Variants in CYP2C8 observed in about 807,000 individuals in gnomAD.
The protein encoded by CYP2C8 is cytochrome P450 2C8.
In CYP2C8, 51 loss-of-function variants were observed where a neutral mutation model predicts 41.3. The observed-to-expected ratio is 1.24, with a 90% confidence interval of 0.99 to 1.56. CYP2C8 has a LOEUF of 1.56. Among genes scored for constraint, CYP2C8 ranks in the 40% most tolerant of loss-of-function variants. CYP2C8 has a pLI of 0.00. For missense variants in CYP2C8, 651 were observed against 579.9 expected (o/e 1.12, Z -1.26); for synonymous variants, 218 against 205.8 (o/e 1.06, Z -0.51).
intron 1 of CYP2C8, among the ~76,000 whole-genome samples, chr10:95,068,918 G>A (rs7084045): frequency 0.042 from 6,325 of 152,096 alleles, 489 homozygotes; most frequent in African/African-American, 0.14. Context: ...AAAATTAGCC[G>A]GGCATGGTGG....
intron 4 of CYP2C8, among the ~76,000 whole-genome samples, chr10:95,063,064 C>G (rs1371575243): frequency 1.3e-5 from 2 of 152,114 alleles, no homozygotes; most frequent in African/African-American, 4.8e-5. Flanking sequence ...CAATGGCTAC[C>G]CTTAACATTT....
chr10:95,067,609 TTC>T lies in CYP2C8; in HGVS notation c.249_250del (p.Lys84GlyfsTer5). ...CTCTCCATTATCAATCAGGGCTTCC[TTC>T]ACTGCCTCATATCCATGAAACACCA... On this transcript the variant is annotated frameshift_variant, in exon 2 of 9. Transcript: ENST00000371270. LOFTEE classifies it high-confidence loss of function. 6.2e-7 allele frequency: 1 copy of T among 1,614,176 alleles called. No homozygotes were observed.
chr10:95,062,555 C>T (rs1248064654), intron 4 of CYP2C8, among the ~76,000 whole-genome samples: 1 of 152,126 alleles, frequency 6.6e-6, no homozygotes, highest in Non-Finnish European at 1.5e-5. Context: ...AGATGGGTTT[C>T]CTCAATACAG....
At chr10:95,045,669 C>A in intron 6 of CYP2C8, 141 bp downstream of exon 6, 1 of 1,007,148 alleles carries the variant, frequency 9.9e-7, no homozygotes, top group Non-Finnish European at 1.5e-6. Flanking sequence ...TAAATTGTGT[C>A]ATCAAATTTA....
intron 3 of CYP2C8, among the ~76,000 whole-genome samples, chr10:95,066,215 GTT>G (rs541771653): frequency 1.6e-5 from 2 of 126,830 alleles, no homozygotes; most frequent in South Asian, 2.7e-4. Flanking sequence ...TGATATCCAG[GTT>G]TTTTTTTTTT....
At chr10:95,067,458 C>G (rs751649419) in intron 2 of CYP2C8, 71 bp downstream of exon 2, 28 of 1,613,290 alleles carry the variant, frequency 1.7e-5, no homozygotes, top group Non-Finnish European at 2.3e-5. Context: ...TGCTGAGAAG[C>G]TTTTTAGGGC....
At chr10:95,043,478 G>A (rs575802894) in intron 6 of CYP2C8, among the ~76,000 whole-genome samples, 10 of 152,202 alleles carry the variant, frequency 6.6e-5, no homozygotes, top group East Asian at 1.9e-4. Context: ...TTGTGTGTGC[G>A]GTGGTGGAGC....
At chr10:95,066,153 AGTGTGTGT>A (rs113983526) in intron 3 of CYP2C8, among the ~76,000 whole-genome samples, 1,353 of 88,148 alleles carry the variant, frequency 0.015, 12 homozygotes, top group Middle Eastern at 0.023. Context: ...AGAGAGAGAG[AGTGTGTGT>A]GTGTGTGTGT....
At chr10:95,049,636 G>A (rs936364148) in intron 5 of CYP2C8, among the ~76,000 whole-genome samples, 7 of 152,108 alleles carry the variant, frequency 4.6e-5, no homozygotes, top group Non-Finnish European at 7.3e-5. Flanking sequence ...GGACTATAGG[G>A]CTCTGGGATG....
At chr10:95,039,187 G>T (rs765132266) in intron 7 of CYP2C8, 149 bp from the exon 8 acceptor site, 15 of 721,626 alleles carry the variant, frequency 2.1e-5, no homozygotes, top group Non-Finnish European at 2.7e-5. Flanking sequence ...TGAGCTTAAG[G>T]CCAGTGGTGG....
At chr10:95,039,584 C>A (rs1465789905) in intron 7 of CYP2C8, among the ~76,000 whole-genome samples, 4 of 152,122 alleles carry the variant, frequency 2.6e-5, no homozygotes, top group Non-Finnish European at 4.4e-5. Flanking sequence ...GATGAAATTA[C>A]AAAGATTATC....
intron 5 of CYP2C8, among the ~76,000 whole-genome samples, chr10:95,056,926 C>T (rs920885759): frequency 6.6e-6 from 1 of 152,094 alleles, no homozygotes; most frequent in African/African-American, 2.4e-5. Context: ...AAGAAAACAG[C>T]TTTGTTGAAC....
rs952806406 is a variant in CYP2C8, at chr10:95,048,174, G to A, written c.820-2223C>T. 5.9e-5 allele frequency among the ~76,000 whole-genome samples: 9 copies of A among 152,280 alleles called. No homozygotes were observed. The South Asian group carries it at 1.7e-3, about 28-fold the overall frequency. On this transcript the variant is annotated intron_variant, in intron 5 of 8. Coordinates refer to ENST00000371270, the MANE Select transcript of CYP2C8 (RefSeq NM_000770.3). ...TTTCTTCTTATGAATTGACCAATAA[G>A]CTCCATTGCTCTCTCTTTAACAGTC...
intron 1 of CYP2C8, chr10:95,068,690 A>G: frequency 1.0e-6 from 1 of 997,990 alleles, no homozygotes. Flanking sequence ...ATGATTATAT[A>G]ATACAATGAC....
At chr10:95,053,824 T>G (rs574784958) in intron 5 of CYP2C8, among the ~76,000 whole-genome samples, 1 of 152,126 alleles carries the variant, frequency 6.6e-6, no homozygotes, top group South Asian at 2.1e-4. Context: ...ATGCGGGGCT[T>G]AAAACCTAGA....
At chr10:95,063,458 C>T (rs887416974) in intron 4 of CYP2C8, among the ~76,000 whole-genome samples, 5 of 152,180 alleles carry the variant, frequency 3.3e-5, no homozygotes, top group African/African-American at 4.8e-5. Flanking sequence ...GCATGTGTCA[C>T]GTAGTTCTCC....
At position 95,069,235 on chromosome 10, in the gene CYP2C8, AT is replaced by A; in HGVS notation, c.167del (p.Asn56IlefsTer16). The A allele has an allele frequency of 6.2e-7, 1 of 1,614,176 alleles. No homozygotes were observed. Among genetic ancestry groups the A allele is most frequent in the Non-Finnish European group, 8.5e-7 (1 of 1,180,008 alleles). On this transcript the variant is annotated frameshift_variant and splice_region_variant, in exon 1 of 9. Coordinates refer to ENST00000371270, the MANE Select transcript of CYP2C8 (RefSeq NM_000770.3). LOFTEE classifies it high-confidence loss of function. ...CTGGAGGAACATAAGGCAGACTTAC[AT>A]TGGTGAAAGATTTGCAGATGTCCTT... ...DVKDICKSFT[N>X]FSKVYGPVFT... is the part of the protein sequence containing the mutation.
At chr10:95,049,705 G>T (rs997162757) in intron 5 of CYP2C8, among the ~76,000 whole-genome samples, 1 of 152,068 alleles carries the variant, frequency 6.6e-6, no homozygotes, top group Non-Finnish European at 1.5e-5. Flanking sequence ...TGTGAGTCCT[G>T]GTGCTGAACT....
chr10:95,042,907 T>C lies in CYP2C8; in HGVS notation c.1132A>G (p.Asn378Asp). Residue 378 changes from asparagine to aspartate, a missense_variant, in exon 7 of 9, where the codon AAC becomes GAC. Coordinates refer to ENST00000371270, the MANE Select transcript of CYP2C8 (RefSeq NM_000770.3). ...HAVTTDTKFR[N>D]YLIPKGTTIM... is the part of the protein sequence containing the mutation. ...AAGCTTACCTTGGGGATGAGGTAGT[T>C]TCTGAACTTAGTATCAGTGGTCACT... is the stretch of plus-strand genomic sequence containing the variant. 1 of 1,614,024 alleles carries C rather than the reference T, an allele frequency of 6.2e-7. No homozygotes were observed. Among genetic ancestry groups the C allele is most frequent in the Non-Finnish European group, 8.5e-7 (1 of 1,179,870 alleles).
Sources: allele counts gnomAD v4.1 joint callset (sites outside exome capture counted in the v4.1 genomes callset), GRCh38; gene constraint gnomAD v4.1.1; transcripts MANE v1.5; gene names NCBI Gene and HGNC (gene_info 2026-07-23, HGNC 2026-07-21).